The following NRF1 variants were observed in gnomAD, a reference collection of about 807,000 sequenced individuals.
NRF1 encodes the protein nuclear respiratory factor 1, also known as alpha palindromic-binding protein.
Under a neutral mutation model 58.5 loss-of-function variants are expected in NRF1, and 5 were observed. The ratio of observed to expected loss-of-function variants is 0.09; its 90% CI spans 0.04 to 0.18. NRF1 has a LOEUF of 0.18. Ranked by LOEUF, NRF1 falls within the 10% of genes least tolerant of loss-of-function variation. NRF1 has a pLI of 1.00. For missense variants in NRF1, 288 were observed against 657.7 expected (o/e 0.44, Z 6.15); for synonymous variants, 224 against 246.7 (o/e 0.91, Z 0.86).
chr7:129,614,452 T>TGTGTGTGTGTGTGTGTGTGTGTGTGTAC (rs1212767920), intron 1 of NRF1, among the ~76,000 whole-genome samples: 1 of 128,886 alleles, frequency 7.8e-6, no homozygotes, highest in African/African-American at 2.5e-5. Context: ...TTTGTGTGTG[T>TGTGTGTGTGTGTGTGTGTGTGTGTGTAC]GTGTGTGTGT....
intron 10 of NRF1, among the ~76,000 whole-genome samples, chr7:129,736,277 T>C (rs11769792): frequency 8.1e-5 from 2 of 24,716 alleles, no homozygotes; most frequent in South Asian, 1.7e-3. Context: ...CAATAGAATT[T>C]TTTTTTTTTT....
At chr7:129,628,274 G>C (rs998057087) in intron 1 of NRF1, among the ~76,000 whole-genome samples, 1 of 149,834 alleles carries the variant, frequency 6.7e-6, no homozygotes, top group Admixed American at 6.7e-5. Context: ...TCAATCTCCT[G>C]ACCTCGTGAT....
At chr7:129,655,361 A>T (rs1198585462) in intron 1 of NRF1, among the ~76,000 whole-genome samples, 2 of 152,090 alleles carry the variant, frequency 1.3e-5, no homozygotes, top group Non-Finnish European at 2.9e-5. Context: ...GATTTTCTAC[A>T]TCAACAATCA....
intron 4 of NRF1, among the ~76,000 whole-genome samples, chr7:129,687,833 A>C (rs1370377091): frequency 1.3e-5 from 2 of 152,244 alleles, no homozygotes; most frequent in Non-Finnish European, 2.9e-5. Context: ...GATCAGATAG[A>C]ATTAAAACAT....
At chr7:129,742,275 T>TA (rs71167214) in intron 10 of NRF1, among the ~76,000 whole-genome samples, 3,571 of 126,596 alleles carry the variant, frequency 0.028, 95 homozygotes, top group South Asian at 0.07. Context: ...TGAAATTGAT[T>TA]AAAAAAAAAA....
intron 9 of NRF1, among the ~76,000 whole-genome samples, chr7:129,725,361 C>CT (rs1803426480): frequency 6.7e-6 from 1 of 150,322 alleles, no homozygotes; most frequent in Admixed American, 6.6e-5. Context: ...CAGTTTCACT[C>CT]TTATTGCCCA....
chr7:129,704,956 A>T (rs978297527), intron 5 of NRF1, among the ~76,000 whole-genome samples: 1 of 152,172 alleles, frequency 6.6e-6, no homozygotes, highest in East Asian at 1.9e-4. Context: ...TGAAGAGTGG[A>T]TGCTTAAAGC....
At chr7:129,681,460 T>G (rs1424144274) in intron 4 of NRF1, among the ~76,000 whole-genome samples, 5 of 152,188 alleles carry the variant, frequency 3.3e-5, no homozygotes, top group Middle Eastern at 3.2e-3. Context: ...GAAAAATGCC[T>G]ACAAAAATAA....
chr7:129,691,944 C>T (rs1022093372), intron 5 of NRF1, among the ~76,000 whole-genome samples: 4 of 152,104 alleles, frequency 2.6e-5, no homozygotes, highest in African/African-American at 7.2e-5. Context: ...CCAAACAGAA[C>T]CTTTGGTTGT....
chr7:129,713,713 A>C (rs939943715), intron 8 of NRF1, among the ~76,000 whole-genome samples: 1 of 152,234 alleles, frequency 6.6e-6, no homozygotes, highest in African/African-American at 2.4e-5. Context: ...ATAAGGGTCT[A>C]CTGGCAGCAA....
intron 10 of NRF1, among the ~76,000 whole-genome samples, chr7:129,736,922 A>G (rs182229705): frequency 6.6e-5 from 10 of 152,344 alleles, no homozygotes; most frequent in Admixed American, 5.9e-4. Context: ...TAGGCAAGCA[A>G]ATTAACCTCT....
intron 1 of NRF1, among the ~76,000 whole-genome samples, chr7:129,636,777 G>T (rs750252644): frequency 2.0e-5 from 3 of 152,104 alleles, no homozygotes; most frequent in Non-Finnish European, 4.4e-5. Flanking sequence ...GATACGTATG[G>T]CTAAACATAA....
chr7:129,727,878 C>G (rs569235326), intron 10 of NRF1, among the ~76,000 whole-genome samples: 1 of 152,162 alleles, frequency 6.6e-6, no homozygotes, highest in African/African-American at 2.4e-5. Context: ...TGTAGCCTCA[C>G]GAAGGACCTT....
intron 6 of NRF1, among the ~76,000 whole-genome samples, chr7:129,709,729 C>CTTTTTTT (rs71527924): frequency 2.3e-5 from 3 of 127,940 alleles, no homozygotes; most frequent in Non-Finnish European, 3.4e-5. Flanking sequence ...TCTTTTCTTT[C>CTTTTTTT]TTTTTTTTTT....
At chr7:129,695,584 A>AG (rs1211597874) in intron 5 of NRF1, among the ~76,000 whole-genome samples, 1 of 151,056 alleles carries the variant, frequency 6.6e-6, no homozygotes, top group African/African-American at 2.4e-5. Flanking sequence ...TCAAAAAAAA[A>AG]AAAACAAAAA....
At chr7:129,724,183 CTA>C (rs1288361335) in intron 9 of NRF1, among the ~76,000 whole-genome samples, 1 of 152,164 alleles carries the variant, frequency 6.6e-6, no homozygotes, top group Non-Finnish European at 1.5e-5. Flanking sequence ...TAGGGAATGT[CTA>C]AAACTCAACA....
At chr7:129,705,816 G>A (rs952283805) in intron 5 of NRF1, among the ~76,000 whole-genome samples, 4 of 152,102 alleles carry the variant, frequency 2.6e-5, no homozygotes, top group Admixed American at 1.3e-4. Context: ...GGTGGCATGC[G>A]CCTTTAGTCC....
At chr7:129,723,008 G>T (rs917728378) in intron 9 of NRF1, among the ~76,000 whole-genome samples, 1 of 152,166 alleles carries the variant, frequency 6.6e-6, no homozygotes, top group Non-Finnish European at 1.5e-5. Flanking sequence ...TTTCCAAAGA[G>T]TATACTTTTC....
chr7:129,696,664 A>G (rs190186402), intron 5 of NRF1, among the ~76,000 whole-genome samples: 114 of 152,366 alleles, frequency 7.5e-4, no homozygotes, highest in African/African-American at 2.6e-3. Flanking sequence ...AGACAACTCT[A>G]TTAATCATCT....
Sources: allele counts gnomAD v4.1 joint callset (sites outside exome capture counted in the v4.1 genomes callset), GRCh38; gene constraint gnomAD v4.1.1; transcripts MANE v1.5; gene names NCBI Gene and HGNC (gene_info 2026-07-23, HGNC 2026-07-21).